Variants in CRACDL observed in about 807,000 individuals in gnomAD.
The protein encoded by CRACDL is CRACD-like protein.
In CRACDL, 26 loss-of-function variants were observed where a neutral mutation model predicts 70.6. The ratio of observed to expected loss-of-function variants is 0.37; its 90% confidence interval spans 0.27 to 0.51. The LOEUF (loss-of-function observed/expected upper bound fraction) is 0.51. Ranked by LOEUF, CRACDL falls within the 20% of genes least tolerant of loss-of-function variation. The probability of loss-of-function intolerance (pLI) is 0.94; values close to 1 mark genes in which losing one functional copy is unlikely to be tolerated. For missense variants in CRACDL, 1,283 were observed against 1,376.9 expected (o/e 0.93, Z 1.08); for synonymous variants, 618 against 615.2 (o/e 1.00, Z -0.07).
intron 1 of CRACDL, among the ~76,000 whole-genome samples, chr2:98,931,835 CTT>C (rs1709086769): frequency 6.6e-6 from 1 of 152,186 alleles, no homozygotes; most frequent in African/African-American, 2.4e-5. Flanking sequence ...ACATGCCTGT[CTT>C]ATCATTTCCC....
intron 7 of CRACDL, among the ~76,000 whole-genome samples, chr2:98,804,981 C>T (rs995879215): frequency 2.6e-5 from 4 of 152,132 alleles, no homozygotes; most frequent in Non-Finnish European, 5.9e-5. Context: ...CACTAGGTGC[C>T]AGGCCCTGGG....
In CRACDL at chr2:98,821,889, G is replaced by A. The variant is rs773538963; in HGVS notation, c.2384C>T (p.Thr795Met). 5 of 1,605,190 alleles carry A rather than the reference G, an allele frequency of 3.1e-6. No homozygotes were observed. The South Asian group carries it at 5.5e-5, about 18-fold the overall frequency. Residue 795 changes from threonine (T) to methionine (M), a missense_variant, in exon 7 of 10, where the codon ACG becomes ATG. Coordinates refer to ENST00000397899, the MANE Select transcript of CRACDL (RefSeq NM_207362.3). ...CCTGCGCAGCGGCCTTTTCTCCGCC[G>A]TCCTGGGCTCCTTCCTGGGTTCCCG... ...GEREPRKEPR[T>M]AEKRPLRRGA...
At chr2:98,873,164 A>G (rs1007700815) in intron 1 of CRACDL, among the ~76,000 whole-genome samples, 1 of 152,234 alleles carries the variant, frequency 6.6e-6, no homozygotes, top group African/African-American at 2.4e-5. Context: ...TGCCTAGCAC[A>G]CAGAAGGAAC....
chr2:98,853,450 ATCTAAAAAGTGATATGTACTACACTTT>A (rs1346256292), intron 1 of CRACDL, among the ~76,000 whole-genome samples: 2 of 152,216 alleles, frequency 1.3e-5, no homozygotes, highest in African/African-American at 4.8e-5. Flanking sequence ...ACTTTCACTT[ATCTAAAAAGTGATATGTACTACACTTT>A]TCTAAAAAGT....
chr2:98,869,221 T>C (rs1334995180), intron 1 of CRACDL: 2 of 1,299,626 alleles, frequency 1.5e-6, no homozygotes, highest in Middle Eastern at 2.1e-4. Flanking sequence ...GGCCCACGGG[T>C]CACCACTGGT....
chr2:98,820,525 C>T (rs924496720), intron 7 of CRACDL, among the ~76,000 whole-genome samples: 4 of 152,132 alleles, frequency 2.6e-5, no homozygotes, highest in Admixed American at 6.5e-5. Flanking sequence ...CAGAGTGAGA[C>T]GGAGTCTCAA....
intron 1 of CRACDL, among the ~76,000 whole-genome samples, chr2:98,927,334 G>A (rs1031897469): frequency 6.6e-6 from 1 of 152,234 alleles, no homozygotes; most frequent in Admixed American, 6.5e-5. Flanking sequence ...GTCACTCTGC[G>A]GTGGTTCCTG....
rs145088549 is a variant in CRACDL at position 98,886,080 on chromosome 2, T to C, written c.-10-39270A>G. ...TTCACTACCCTGCTCTCTAGTTCCA[T>C]GGCAGCCTTGACAACCAACAGCTTC... On this transcript the variant is annotated intron_variant, in intron 1 of 9. Coordinates refer to ENST00000397899, the MANE Select transcript of CRACDL (RefSeq NM_207362.3). Among the ~76,000 whole-genome samples the C allele has an allele frequency of 2.6e-4, 40 of 152,340 alleles. No individual in the cohort carries two copies. The East Asian group carries it at 6.7e-3, about 26-fold the overall frequency.
intron 7 of CRACDL, among the ~76,000 whole-genome samples, chr2:98,798,111 AG>A (rs1394681747): frequency 6.6e-6 from 1 of 152,172 alleles, no homozygotes; most frequent in Non-Finnish European, 1.5e-5. Context: ...TGGAAGGCCA[AG>A]AGGGGGTGGA....
chr2:98,852,367 T>C (rs749144052), intron 1 of CRACDL, among the ~76,000 whole-genome samples: 2 of 152,056 alleles, frequency 1.3e-5, no homozygotes, highest in Admixed American at 6.5e-5. Flanking sequence ...TAGAACAAAA[T>C]CAATAATCTT....
In CRACDL at chr2:98,822,079, T is replaced by C; in HGVS notation, c.2194A>G (p.Thr732Ala). ...LPKEEKCPLG[T>A]APALRGTRAP... ...CTGGTGCCTCGAAGGGCGGGGGCCG[T>C]CCCGAGGGGACACTTCTCCTCCTTC... The change falls in exon 7 of 10, where the codon ACG (threonine) becomes GCG (alanine). Residue 732 changes from threonine to alanine, a missense_variant. Around this residue, in one of 2 missense-constraint regions of CRACDL, gnomAD observed 921 missense variants for 881.9 expected, o/e 1.04. Transcript: ENST00000397899. This position sits in a 1 kb window ranked among gnomAD's most constrained non-coding sequence, Gnocchi z 4.9. The C allele has an allele frequency of 6.4e-7, 1 of 1,555,148 alleles. No individual in the cohort carries two copies. The highest frequency in any genetic ancestry group is 8.7e-7 in the Non-Finnish European group (1 of 1,149,402).
chr2:98,870,508 G>A (rs1343829285), intron 1 of CRACDL, among the ~76,000 whole-genome samples: 5 of 142,300 alleles, frequency 3.5e-5, no homozygotes, highest in African/African-American at 1.1e-4. Context: ...TCCTGCCAAC[G>A]ACTTGGCCTT....
chr2:98,933,744 C>A (rs534577851), intron 1 of CRACDL, among the ~76,000 whole-genome samples: 1 of 152,196 alleles, frequency 6.6e-6, no homozygotes, highest in African/African-American at 2.4e-5. Flanking sequence ...CTCCTGGAGG[C>A]CTGGTACCTT....
chr2:98,906,260 C>CTTTTTTTTTTTTTTTTTTTTTTTTTCT (rs200373942), intron 1 of CRACDL, among the ~76,000 whole-genome samples: 1 of 139,160 alleles, frequency 7.2e-6, no homozygotes. Flanking sequence ...TTTTCTTTTC[C>CTTTTTTTTTTTTTTTTTTTTTTTTTCT]TTTTTTTTTT....
chr2:98,848,867 G>A (rs933024230), intron 1 of CRACDL, among the ~76,000 whole-genome samples: 2 of 152,204 alleles, frequency 1.3e-5, no homozygotes, highest in African/African-American at 4.8e-5. Context: ...GGGATTACAG[G>A]TGTAAGCCAC....
chr2:98,916,250 C>T (rs1573195733), intron 1 of CRACDL, among the ~76,000 whole-genome samples: 1 of 152,176 alleles, frequency 6.6e-6, no homozygotes, highest in East Asian at 1.9e-4. Flanking sequence ...AGCCAAAAAG[C>T]GCACGATTCC....
intron 1 of CRACDL, among the ~76,000 whole-genome samples, chr2:98,848,708 C>A (rs1573064316): frequency 6.6e-6 from 1 of 152,190 alleles, no homozygotes. Context: ...CTCAGCCCCC[C>A]CACAAATAGC....
intron 1 of CRACDL, among the ~76,000 whole-genome samples, chr2:98,896,261 G>C (rs1474526828): frequency 1.3e-5 from 2 of 152,210 alleles, no homozygotes; most frequent in African/African-American, 4.8e-5. Flanking sequence ...GGATGGTGGA[G>C]TCCCTCGCTG....
chr2:98,858,651 T>A (rs1049645637), intron 1 of CRACDL, among the ~76,000 whole-genome samples: 14 of 149,210 alleles, frequency 9.4e-5, no homozygotes, highest in Non-Finnish European at 1.8e-4. Context: ...GAGCAAAAGG[T>A]AATAAAATAG....
Sources: gnomAD v4.1 joint callset for allele counts (sites outside exome capture counted in the v4.1 genomes callset) on GRCh38, gnomAD v4.1.1 for gene constraint, gnomAD v4.1.1 regional missense constraint, Gnocchi (gnomAD v3.1) non-coding constraint, MANE v1.5 for transcripts, NCBI Gene and HGNC (gene_info 2026-07-23, HGNC 2026-07-21) for gene names.